The following ADGRA3 variants were observed in gnomAD, a reference collection of about 807,000 sequenced individuals.
The protein encoded by ADGRA3 is adhesion G protein-coupled receptor A3.
In ADGRA3, 56 loss-of-function variants were observed where a neutral mutation model predicts 119.8. The observed-to-expected ratio is 0.47, with a 90% CI of 0.38 to 0.58. The LOEUF (loss-of-function observed/expected upper bound fraction) is 0.58, where lower values mean the gene tolerates loss of function less well. Among genes scored for constraint, ADGRA3 ranks in the 20% least tolerant of loss-of-function variants. The pLI, the probability that ADGRA3 is intolerant of heterozygous loss-of-function variation, is 0.00. For missense variants in ADGRA3, 1,516 were observed against 1,649.0 expected (o/e 0.92, Z 1.40); for synonymous variants, 607 against 623.8 (o/e 0.97, Z 0.40).
At chr4:22,505,742 T>C (rs899886926) in intron 1 of ADGRA3, among the ~76,000 whole-genome samples, 20 of 151,222 alleles carry the variant, frequency 1.3e-4, no homozygotes, top group African/African-American at 4.9e-4. Flanking sequence ...TTAAATCACA[T>C]CAAAAAGAGC....
At position 22,388,443 on chromosome 4, in the gene ADGRA3, G is replaced by A. The variant is rs767346100; in HGVS notation, c.3228C>T (p.Pro1076=). The A allele has an allele frequency of 1.2e-6, 2 of 1,614,018 alleles. No individual in the cohort carries two copies. The highest frequency in any genetic ancestry group is 8.5e-7 in the Non-Finnish European group (1 of 1,179,978). ...CTCCATTCGTCCCATTAGAGTTGGG[G>A]GGCTGGACGTTGACTTGCACTGAAT... The part of the protein sequence containing the change: ...SSYSVQVNVQ[P]PNSNGTNGEA... The change falls in exon 19 of 19, where the codon CCC becomes CCT. Residue 1076 remains proline (P), a synonymous_variant. Coordinates refer to ENST00000334304, the MANE Select transcript of ADGRA3 (RefSeq NM_145290.4).
chr4:22,505,309 C>T (rs990286911), intron 1 of ADGRA3, among the ~76,000 whole-genome samples: 1 of 152,170 alleles, frequency 6.6e-6, no homozygotes, highest in Non-Finnish European at 1.5e-5. Flanking sequence ...CAAGGTTGTT[C>T]TTAAAACCGT....
rs143592195 is a variant in ADGRA3 at position 22,388,244 on chromosome 4, T to A, written c.3427A>T (p.Thr1143Ser). 57 of 1,614,052 alleles carry A rather than the reference T, an allele frequency of 3.5e-5. No individual in the cohort carries two copies. The African/African-American group carries it at 7.2e-4, about 20-fold the overall frequency. ...NSTPQLDNSL[T>S]EHSMDNDIKM... ...ATATCATTGTCCATTGAATGTTCTG[T>A]CAGACTATTATCAAGCTGAGGGGTG... The change falls in exon 19 of 19, where the codon ACA (threonine) becomes TCA (serine). Residue 1143 changes from threonine to serine, a missense_variant. Physicochemically the swap from Thr to Ser is moderately conservative, Grantham distance 58 (BLOSUM62 1). This residue lies in a region of ADGRA3 where 1,088 missense variants were observed against 1,107.1 expected (regional missense o/e 0.98). Transcript: ENST00000334304.
At chr4:22,497,382 C>T (rs1718870451) in intron 1 of ADGRA3, among the ~76,000 whole-genome samples, 1 of 151,950 alleles carries the variant, frequency 6.6e-6, no homozygotes, top group East Asian at 1.9e-4. Flanking sequence ...CTGTTTCTGA[C>T]ATGACACCCT....
At chr4:22,397,196 T>TC (rs1714394787) in intron 16 of ADGRA3, among the ~76,000 whole-genome samples, 1 of 77,838 alleles carries the variant, frequency 1.3e-5, no homozygotes, top group Non-Finnish European at 2.9e-5. Flanking sequence ...TTTTTTTTTT[T>TC]TTTTGAGATG....
chr4:22,389,493 T>C (rs1261721477), intron 17 of ADGRA3, among the ~76,000 whole-genome samples: 1 of 151,380 alleles, frequency 6.6e-6, no homozygotes, highest in Non-Finnish European at 1.5e-5. Context: ...TCAGCTTACT[T>C]ACTCTTACTT....
intron 8 of ADGRA3, among the ~76,000 whole-genome samples, chr4:22,437,955 ACT>A (rs1266407316): frequency 6.6e-6 from 1 of 152,178 alleles, no homozygotes; most frequent in Non-Finnish European, 1.5e-5. Context: ...TGAATTTTGT[ACT>A]CTTTTACCAG....
Position 22,413,171 on chromosome 4 carries a change from A to ATTTT in ADGRA3, c.2232+10_2232+11insAAAA. 1 of 1,590,070 alleles carries ATTTT rather than the reference A, an allele frequency of 6.3e-7. No individual in the cohort carries two copies. The highest frequency in any genetic ancestry group is 8.6e-7 in the Non-Finnish European group (1 of 1,158,214). ...AATAGTGTTTATGCATAAAGTTAACAACTGCCATACCATTAAAACTGCATA... is the reference window on the plus strand; with the variant it reads ...AATAGTGTTTATGCATAAAGTTAACATTTTACTGCCATACCATTAAAACTGCATA... On this transcript the variant is annotated intron_variant, in intron 14 of 18. Coordinates refer to ENST00000334304, the MANE Select transcript of ADGRA3 (RefSeq NM_145290.4).
At chr4:22,420,689 GC>G in intron 12 of ADGRA3, 196 bp downstream of exon 12, 1 of 578,300 alleles carries the variant, frequency 1.7e-6, no homozygotes, top group Non-Finnish European at 3.0e-6. Context: ...GGAATCAAAG[GC>G]AAAAATGCCT....
intron 2 of ADGRA3, among the ~76,000 whole-genome samples, chr4:22,466,641 AG>A (rs1377062009): frequency 2.0e-5 from 3 of 150,300 alleles, no homozygotes; most frequent in African/African-American, 7.4e-5. Context: ...GCTTGAACCC[AG>A]GAGGCAGAGG....
chr4:22,485,166 C>A (rs1453767729), intron 1 of ADGRA3, among the ~76,000 whole-genome samples: 1 of 152,170 alleles, frequency 6.6e-6, no homozygotes, highest in Admixed American at 6.5e-5. Context: ...ACTGAAACCT[C>A]CACCTCCTGG....
Position 22,515,891 on chromosome 4 carries a change from C to T in ADGRA3, c.-107G>A, listed in dbSNP as rs1719652365. The T allele has an allele frequency of 4.0e-6, 3 of 748,092 alleles. No homozygotes were observed. Among genetic ancestry groups the T allele is most frequent in the Non-Finnish European group, 4.9e-6 (3 of 614,802 alleles). 46.3% of individuals were successfully genotyped at this position (748,092 alleles called of 1,614,324 possible). A position where few individuals can be genotyped will look rare whatever the true frequency, so the allele number is the denominator to read the frequency against. On this transcript the variant is annotated 5_prime_UTR_variant, in exon 1 of 19. Transcript: ENST00000334304. ...GCGCGGGCCCAGCGGCGACCGGAGC[C>T]TTATGGCGGCCGGAGGACGGGCCTT...
intron 10 of ADGRA3, among the ~76,000 whole-genome samples, chr4:22,432,915 TTTAA>T (rs1716245165): frequency 6.6e-6 from 1 of 152,290 alleles, no homozygotes; most frequent in African/African-American, 2.4e-5. Flanking sequence ...CAAAAATCAA[TTTAA>T]TTAATTATTT....
At chr4:22,458,291 C>T (rs939290105) in intron 3 of ADGRA3, among the ~76,000 whole-genome samples, 6 of 152,154 alleles carry the variant, frequency 3.9e-5, no homozygotes, top group African/African-American at 1.2e-4. Flanking sequence ...AAATCATGCT[C>T]ACCTGCTGCT....
chr4:22,452,263 T>C (rs1252567217), intron 4 of ADGRA3, among the ~76,000 whole-genome samples: 1 of 151,584 alleles, frequency 6.6e-6, no homozygotes, highest in Non-Finnish European at 1.5e-5. Flanking sequence ...CATGAGGGGG[T>C]AGGAAGAGGG....
Position 22,388,746 on chromosome 4 carries a change from T to G in ADGRA3, c.2925A>C (p.Ser975=). The change falls in exon 19 of 19, where the codon TCA becomes TCC. Residue 975 remains serine (S), a synonymous_variant. Transcript: ENST00000334304. ...NENGEINHQD[S]MSLSLISTSA... ...ATGTAGAAATCAGAGACAAAGACAT[T>G]GAATCCTGATGATTTATTTCGCCAT... is the stretch of plus-strand genomic sequence containing the variant. 2.5e-6 allele frequency: 4 copies of G among 1,614,050 alleles called. No homozygotes were observed. The highest frequency in any genetic ancestry group is 3.4e-6 in the Non-Finnish European group (4 of 1,179,940).
chr4:22,441,072 G>A (rs1434537794), intron 7 of ADGRA3, among the ~76,000 whole-genome samples: 1 of 152,112 alleles, frequency 6.6e-6, no homozygotes, highest in Non-Finnish European at 1.5e-5. Context: ...TGAGAAACAA[G>A]GGTTTTTGGC....
chr4:22,408,187 G>A (rs1715030793), intron 14 of ADGRA3, among the ~76,000 whole-genome samples: 1 of 151,670 alleles, frequency 6.6e-6, no homozygotes, highest in South Asian at 2.1e-4. Context: ...AATATAAAAG[G>A]TAAAACATAT....
In ADGRA3 at chr4:22,388,606, G is replaced by T. The variant is rs1195981314; in HGVS notation, c.3065C>A (p.Pro1022His). Residue 1022 changes from proline (P) to histidine (H), a missense_variant, in exon 19 of 19, where the codon CCT (proline) becomes CAT (histidine). Physicochemically the swap from Pro to His is moderately conservative, Grantham distance 77. Around this residue, in one of 2 missense-constraint regions of ADGRA3, gnomAD observed 1,088 missense variants for 1,107.1 expected, o/e 0.98. Transcript: ENST00000334304. ...AACGAAGCTAAAAACCAAGTCCAAA[G>T]GGTAATACAAAGAAACAGCCAAAGC... The part of the protein sequence containing the change: ...FGALAVSLYY[P>H]LDLVFSFVFG... 1 of 1,614,052 alleles carries T rather than the reference G, an allele frequency of 6.2e-7. No individual in the cohort carries two copies. Among genetic ancestry groups the T allele is most frequent in the East Asian group, 2.2e-5 (1 of 44,858 alleles).
Sources: allele counts gnomAD v4.1 joint callset (sites outside exome capture counted in the v4.1 genomes callset), GRCh38; gene constraint gnomAD v4.1.1; regional missense constraint gnomAD v4.1.1; transcripts MANE v1.5; gene names NCBI Gene and HGNC (gene_info 2026-07-23, HGNC 2026-07-21).